The following KCNQ1 variants were observed in gnomAD, a reference collection of about 807,000 sequenced individuals.
KCNQ1 encodes potassium voltage-gated channel subfamily Q member 1, also known as potassium voltage-gated channel subfamily KQT member 1.
A neutral mutation model predicts 72.4 loss-of-function variants in KCNQ1; 49 were observed. The ratio of observed to expected loss-of-function variants is 0.68; its 90% CI spans 0.54 to 0.86. The LOEUF is 0.86. Ranked by LOEUF, KCNQ1 falls within the 40% of genes least tolerant of loss-of-function variation. The pLI is 0.00. For missense variants in KCNQ1, 790 were observed against 945.1 expected (o/e 0.84, Z 2.15); for synonymous variants, 450 against 412.6 (o/e 1.09, Z -1.10).
rs114491013 is a variant in KCNQ1 at position 2,519,743 on chromosome 11, T to A, written c.387-8185T>A. Among the ~76,000 whole-genome samples the A allele has an allele frequency of 5.6e-3, 850 of 151,370 alleles. 9 individuals carry two copies. The highest frequency in any genetic ancestry group is 0.02 in the African/African-American group (820 of 41,104). On this transcript the variant is annotated intron_variant, in intron 1 of 15. Coordinates refer to ENST00000155840, the MANE Select transcript of KCNQ1 (RefSeq NM_000218.3). ...ACCAATAGTGATCATAAGTAATGTATTAAATACTTACATAGTACAGCAGGT... is the reference window on the plus strand; with the variant it reads ...ACCAATAGTGATCATAAGTAATGTAATAAATACTTACATAGTACAGCAGGT...
Position 2,541,480 on chromosome 11 carries a change from T to C in KCNQ1, c.477+13462T>C, listed in dbSNP as rs1847822053. Among the ~76,000 whole-genome samples, 1 of 152,064 alleles carries C rather than the reference T, an allele frequency of 6.6e-6. No individual in the cohort carries two copies. The highest frequency in any genetic ancestry group is 2.4e-5 in the African/African-American group (1 of 41,414). ...GCTGTCCTCGGGGGAGGGACTGAGC[T>C]GGGCCCTTTTCGTTGGTTAGTTCTC... On this transcript the variant is annotated intron_variant, in intron 2 of 15. Coordinates refer to ENST00000155840, the MANE Select transcript of KCNQ1 (RefSeq NM_000218.3). This position sits in a 1 kb window ranked among gnomAD's most constrained non-coding sequence, Gnocchi z 4.8.
At chr11:2,472,601 G>A (rs748343736) in intron 1 of KCNQ1, among the ~76,000 whole-genome samples, 7 of 152,092 alleles carry the variant, frequency 4.6e-5, no homozygotes, top group Admixed American at 1.3e-4. Flanking sequence ...AAGGCAGAGC[G>A]TCTGGGAGGG....
intron 1 of KCNQ1, among the ~76,000 whole-genome samples, chr11:2,512,638 A>T (rs1002645405): frequency 6.6e-6 from 1 of 152,088 alleles, no homozygotes; most frequent in East Asian, 1.9e-4. Flanking sequence ...CTGAGCAGGG[A>T]TGTCCGTGCC....
At chr11:2,570,321 G>GT (rs1848310386) in intron 2 of KCNQ1, among the ~76,000 whole-genome samples, 1 of 152,240 alleles carries the variant, frequency 6.6e-6, no homozygotes, top group African/African-American at 2.4e-5. Flanking sequence ...GGTTCCTGGT[G>GT]TGGGGCCCCC....
chr11:2,713,297 C>T lies in KCNQ1; in HGVS notation c.1514+51216C>T, dbSNP rs1031821660. Among the ~76,000 whole-genome samples the T allele has an allele frequency of 6.6e-6, 1 of 152,188 alleles. No homozygotes were observed. The highest frequency in any genetic ancestry group is 2.4e-5 in the African/African-American group (1 of 41,430). ...TCCCTGAATCACATTGTTCACTGCG[C>T]TTCTCAGGCCTTCTGGGCTCTTCCT... On this transcript the variant is annotated intron_variant, in intron 11 of 15. Coordinates refer to ENST00000155840, the MANE Select transcript of KCNQ1 (RefSeq NM_000218.3). The surrounding 1 kb of genome is among the most constrained non-coding windows in gnomAD (Gnocchi z 5.6).
In KCNQ1 at chr11:2,675,100, C is replaced by A. The variant is rs187065792; in HGVS notation, c.1514+13019C>A. 2.6e-3 allele frequency: 1,047 copies of A among 398,628 alleles called. 34 individuals are homozygous for A. The Admixed American group carries it at 0.039, about 15-fold the overall frequency. The allele number at this position is 398,628 out of a possible 1,614,324, so 24.7% of individuals were successfully genotyped here. A position where few individuals can be genotyped will look rare whatever the true frequency, so the allele number is the denominator to read the frequency against. Reference sequence around the variant, plus strand: ...CTAGTGTGGGCATGTCCTGAGTGGACAGACCTGAAGGTGGGTTCACTAGCC... The same window carrying A: ...CTAGTGTGGGCATGTCCTGAGTGGAAAGACCTGAAGGTGGGTTCACTAGCC... On this transcript the variant is annotated intron_variant, in intron 11 of 15. Coordinates refer to ENST00000155840, the MANE Select transcript of KCNQ1 (RefSeq NM_000218.3).
chr11:2,523,486 C>T (rs1179084576), intron 1 of KCNQ1, among the ~76,000 whole-genome samples: 3 of 152,194 alleles, frequency 2.0e-5, no homozygotes, highest in African/African-American at 4.8e-5. Flanking sequence ...AGGTGTGAGC[C>T]GCCGCGCCCG....
intron 9 of KCNQ1, among the ~76,000 whole-genome samples, 195 bp downstream of exon 9, chr11:2,587,887 G>T (rs1414470566): frequency 6.6e-6 from 1 of 152,186 alleles, no homozygotes; most frequent in Non-Finnish European, 1.5e-5. Flanking sequence ...CCCCGACTTG[G>T]GGGTATGTAG....
chr11:2,572,259 C>T (rs1363005916), intron 5 of KCNQ1, 150 bp downstream of exon 5: 5 of 629,900 alleles, frequency 7.9e-6, no homozygotes, highest in African/African-American at 1.8e-5. Context: ...GGCCCAGGAT[C>T]TCAGAGCAAG....
At position 2,674,262 on chromosome 11, in the gene KCNQ1, C is replaced by T. The variant is rs117184291; in HGVS notation, c.1514+12181C>T. On this transcript the variant is annotated intron_variant, in intron 11 of 15. Transcript: ENST00000155840. This position sits in a 1 kb window ranked among gnomAD's most constrained non-coding sequence, Gnocchi z 5.9. ...AGAGCTGGAGGCCCCTCTCTCCCAG[C>T]CCCCGGCACACACACTAGGACCTTT... The T allele has an allele frequency of 6.6e-4, 264 of 398,670 alleles. 2 individuals carry two copies. In the East Asian group the frequency reaches 8.8e-3, roughly 13 times the overall value. 24.7% of individuals were successfully genotyped at this position (398,670 alleles called of 1,614,324 possible).
In KCNQ1 at chr11:2,626,864, C is replaced by T; in HGVS notation, c.1394-35097C>T. 2.5e-6 allele frequency: 1 copy of T among 398,562 alleles called. No individual in the cohort carries two copies. Among genetic ancestry groups the T allele is most frequent in the Non-Finnish European group, 4.4e-6 (1 of 226,048 alleles). 24.7% of individuals were successfully genotyped at this position (398,562 alleles called of 1,614,324 possible). On this transcript the variant is annotated intron_variant, in intron 10 of 15. Transcript: ENST00000155840. This position sits in a 1 kb window ranked among gnomAD's most constrained non-coding sequence, Gnocchi z 4.0. ...TTCAAATCAGAAAGTGTGAGTCCTC[C>T]AATGTTGTTCATCATTTTCAAGAAT...
At position 2,674,275 on chromosome 11, in the gene KCNQ1, CACTAGG is replaced by C; in HGVS notation, c.1514+12197_1514+12202del. ...CCTCTCTCCCAGCCCCCGGCACACACACTAGGACCTTTCTTCATCATGCAGCCGTAG... is the reference window on the plus strand; with the variant it reads ...CCTCTCTCCCAGCCCCCGGCACACACACCTTTCTTCATCATGCAGCCGTAG... On this transcript the variant is annotated intron_variant, in intron 11 of 15. Coordinates refer to ENST00000155840, the MANE Select transcript of KCNQ1 (RefSeq NM_000218.3). This position sits in a 1 kb window ranked among gnomAD's most constrained non-coding sequence, Gnocchi z 5.9. The C allele has an allele frequency of 2.5e-6, 1 of 398,684 alleles. No homozygotes were observed. Among genetic ancestry groups the C allele is most frequent in the East Asian group, 3.6e-5 (1 of 28,068 alleles). The allele number at this position is 398,684 out of a possible 1,614,324, so 24.7% of individuals were successfully genotyped here.
intron 11 of KCNQ1, among the ~76,000 whole-genome samples, chr11:2,721,750 C>G (rs12099153): frequency 3.9e-4 from 60 of 152,316 alleles, no homozygotes; most frequent in African/African-American, 1.4e-3. Context: ...GGTGATGGTC[C>G]CCTCGGCCTG....
At chr11:2,589,461 T>G (rs539646826) in intron 10 of KCNQ1, among the ~76,000 whole-genome samples, 27 of 152,334 alleles carry the variant, frequency 1.8e-4, no homozygotes, top group African/African-American at 5.5e-4. Flanking sequence ...GTCTAGGGTT[T>G]AGATGTCCTC....
chr11:2,512,936 G>A (rs1362312386), intron 1 of KCNQ1, among the ~76,000 whole-genome samples: 1 of 152,212 alleles, frequency 6.6e-6, no homozygotes, highest in Non-Finnish European at 1.5e-5. Context: ...CAGATGATGG[G>A]GCTTTAGGAG....
In KCNQ1 at chr11:2,663,529, CAGAG is replaced by C. The variant is rs1850007577; in HGVS notation, c.1514+1451_1514+1454del. On this transcript the variant is annotated intron_variant, in intron 11 of 15. Transcript: ENST00000155840. This position sits in a 1 kb window ranked among gnomAD's most constrained non-coding sequence, Gnocchi z 5.2. ...CTGTATTGCCTCTTGGCTGTCCCCT[CAGAG>C]AGGGGACTGTCCCTTCTCATCCTTC... 7 of 398,558 alleles carry C rather than the reference CAGAG, an allele frequency of 1.8e-5. No homozygotes were observed. The highest frequency in any genetic ancestry group is 6.2e-4 in the Middle Eastern group (1 of 1,614). 24.7% of individuals were successfully genotyped at this position (398,558 alleles called of 1,614,324 possible). A position where few individuals can be genotyped will look rare whatever the true frequency, so the allele number is the denominator to read the frequency against.
chr11:2,718,068 A>G (rs1226564947), intron 11 of KCNQ1, among the ~76,000 whole-genome samples: 2 of 152,158 alleles, frequency 1.3e-5, no homozygotes, highest in Non-Finnish European at 2.9e-5. Flanking sequence ...ATGTCTGTGG[A>G]GCTGCCTCTT....
chr11:2,681,315 G>C (rs978519075), intron 11 of KCNQ1: 1 of 398,310 alleles, frequency 2.5e-6, no homozygotes, highest in African/African-American at 2.1e-5. Flanking sequence ...CTGGTTCTCT[G>C]TCTCTCTCCA....
In KCNQ1 at chr11:2,840,843, T is replaced by TG. The variant is rs1347412916; in HGVS notation, c.1795-6918dup. ...CACCCACCCTGGGAGGGAGTGGGCT[T>TG]GGGGGGCTTCTACCCCCTCACTCCA... On this transcript the variant is annotated intron_variant, in intron 15 of 15. Coordinates refer to ENST00000155840, the MANE Select transcript of KCNQ1 (RefSeq NM_000218.3). 2.0e-5 allele frequency among the ~76,000 whole-genome samples: 3 copies of TG among 152,228 alleles called. No homozygotes were observed. The East Asian group carries it at 5.8e-4, about 30-fold the overall frequency.
Sources: allele counts gnomAD v4.1 joint callset (sites outside exome capture counted in the v4.1 genomes callset), GRCh38; gene constraint gnomAD v4.1.1; non-coding constraint Gnocchi (gnomAD v3.1); transcripts MANE v1.5; gene names NCBI Gene and HGNC (gene_info 2026-07-23, HGNC 2026-07-21).